The following STK3 variants were observed in gnomAD, a reference collection of about 807,000 sequenced individuals.
STK3 encodes the protein serine/threonine-protein kinase 3.
STK3 carries 41 observed loss-of-function variants against 58.0 expected under a neutral mutation model. The observed-to-expected ratio is 0.71, with a 90% CI of 0.55 to 0.92. The LOEUF is 0.92. STK3 is among the 40% of genes least tolerant of loss of function. STK3 has a pLI of 0.00. For missense variants in STK3, 479 were observed against 602.7 expected (o/e 0.79, Z 2.15); for synonymous variants, 170 against 191.0 (o/e 0.89, Z 0.91).
At chr8:98,567,386 T>C (rs1202185149) in intron 8 of STK3, among the ~76,000 whole-genome samples, 1 of 152,060 alleles carries the variant, frequency 6.6e-6, no homozygotes, top group Non-Finnish European at 1.5e-5. Context: ...TTGGTAGAGA[T>C]GGGGTTTTGC....
At chr8:98,749,792 G>A (rs1377319220) in intron 3 of STK3, among the ~76,000 whole-genome samples, 4 of 151,794 alleles carry the variant, frequency 2.6e-5, no homozygotes, top group Non-Finnish European at 4.4e-5. Context: ...ATTTCCATGA[G>A]GCCAAAAAGT....
the STK3 span, among the ~76,000 whole-genome samples, chr8:98,349,593 G>A: frequency 6.6e-6 from 1 of 152,238 alleles, no homozygotes; most frequent in Non-Finnish European, 1.5e-5. Context: ...CCTAGCAAAG[G>A]TTCTCTATGA....
In STK3 at chr8:98,428,592, T is replaced by C. The variant is rs201740520; in HGVS notation, n.483+5535A>G. 6.2e-7 allele frequency: 1 copy of C among 1,614,160 alleles called. No homozygotes were observed. Among genetic ancestry groups the C allele is most frequent in the Admixed American group, 1.7e-5 (1 of 60,022 alleles). On this transcript the variant is annotated intron_variant and non_coding_transcript_variant, in intron 3 of 3. Transcript: ENST00000517832. This position sits in a 1 kb window ranked among gnomAD's most constrained non-coding sequence, Gnocchi z 6.7. ...GGTGATGGGGTCCATCATCACCATG[T>C]GCCTCAATAGCCTGCCCGATTTCCA...
At chr8:98,718,470 T>C (rs560348184) in intron 4 of STK3, among the ~76,000 whole-genome samples, 6 of 152,154 alleles carry the variant, frequency 3.9e-5, no homozygotes, top group Non-Finnish European at 8.8e-5. Flanking sequence ...ATGGTCTGAC[T>C]TGACAGCGCA....
intron 1 of STK3, among the ~76,000 whole-genome samples, chr8:98,932,088 T>A (rs1165160399): frequency 6.6e-6 from 1 of 152,068 alleles, no homozygotes; most frequent in Non-Finnish European, 1.5e-5. Context: ...CTCCTGATGG[T>A]AACAATAATT....
rs112549072 is a variant in STK3, at chr8:98,567,259, G to A, written c.948+12405C>T. On this transcript the variant is annotated intron_variant, in intron 8 of 10. Coordinates refer to ENST00000419617, the MANE Select transcript of STK3 (RefSeq NM_006281.4). Reference sequence around the variant, plus strand: ...AGACAGGGTCTAGCTCTGCAGTGGCGCAAAGTCGACTCAATGCAACCTTAG... The same window carrying A: ...AGACAGGGTCTAGCTCTGCAGTGGCACAAAGTCGACTCAATGCAACCTTAG... 3.3e-5 allele frequency among the ~76,000 whole-genome samples: 5 copies of A among 152,258 alleles called. 1 individual carries two copies. In the South Asian group the frequency reaches 6.2e-4, roughly 19 times the overall value.
chr8:98,846,740 GAGGGGC>G lies in STK3; in HGVS notation c.110+36901_110+36906del, dbSNP rs1373113814. Among the ~76,000 whole-genome samples the G allele has an allele frequency of 2.0e-5, 3 of 152,032 alleles. No individual in the cohort carries two copies. The East Asian group carries it at 5.8e-4, about 29-fold the overall frequency. On this transcript the variant is annotated intron_variant, in intron 3 of 12. Coordinates refer to the STK3 transcript ENST00000523601. ...ATGTATCCAAGACCAATCAGGTATTGAGGGGCATGTACCATATGTCCACTGGATGTG... is the reference window on the plus strand; with the variant it reads ...ATGTATCCAAGACCAATCAGGTATTGATGTACCATATGTCCACTGGATGTG...
intron 3 of STK3, among the ~76,000 whole-genome samples, chr8:98,870,193 C>T (rs1241277944): frequency 6.6e-6 from 1 of 152,180 alleles, no homozygotes; most frequent in Non-Finnish European, 1.5e-5. Flanking sequence ...TTTATGGCTG[C>T]ATAGTATTCC....
chr8:98,527,911 A>T (rs1432833533), intron 9 of STK3, among the ~76,000 whole-genome samples: 1 of 152,172 alleles, frequency 6.6e-6, no homozygotes. Context: ...ACTAAATTCA[A>T]GATCTTTCCC....
chr8:98,371,671 C>G (rs926179603), exon 3 of STK3: 12 of 152,222 alleles, frequency 7.9e-5, no homozygotes, highest in African/African-American at 2.7e-4. Context: ...TAGGGATAGT[C>G]CCCACACCTG....
At chr8:98,448,095 G>C (rs1213589372) in intron 1 of STK3, among the ~76,000 whole-genome samples, 1 of 151,308 alleles carries the variant, frequency 6.6e-6, no homozygotes, top group Admixed American at 6.6e-5. Context: ...CTACTTACTT[G>C]TTAAAGCAAT....
chr8:98,571,318 G>A (rs1165805758), intron 8 of STK3, among the ~76,000 whole-genome samples: 3 of 152,052 alleles, frequency 2.0e-5, no homozygotes, highest in South Asian at 2.1e-4. Flanking sequence ...GCGAGAGAGT[G>A]AGACTCCATC....
intron 10 of STK3, among the ~76,000 whole-genome samples, chr8:98,511,123 C>A (rs946317476): frequency 6.6e-6 from 1 of 151,820 alleles, no homozygotes; most frequent in Non-Finnish European, 1.5e-5. Flanking sequence ...AATGTGTATA[C>A]CTTATTAATA....
intron 1 of STK3, among the ~76,000 whole-genome samples, chr8:98,811,673 C>T (rs906616418): frequency 4.6e-5 from 7 of 150,736 alleles, no homozygotes; most frequent in Non-Finnish European, 1.0e-4. Flanking sequence ...CATTATTAAA[C>T]GATGTCAAAA....
chr8:98,520,403 G>A (rs1353240075), intron 10 of STK3, among the ~76,000 whole-genome samples: 2 of 152,104 alleles, frequency 1.3e-5, no homozygotes, highest in Non-Finnish European at 2.9e-5. Flanking sequence ...TTAAAAGGAA[G>A]TACACAAATT....
At chr8:98,599,153 A>G (rs1376877094) in intron 6 of STK3, among the ~76,000 whole-genome samples, 3 of 152,252 alleles carry the variant, frequency 2.0e-5, no homozygotes, top group East Asian at 3.8e-4. Flanking sequence ...TATGAGCAAA[A>G]GGTTATCTTC....
chr8:98,620,835 ATTT>A, intron 6 of STK3, among the ~76,000 whole-genome samples: 1 of 151,806 alleles, frequency 6.6e-6, no homozygotes, highest in East Asian at 1.9e-4. Flanking sequence ...TTCTAAATAT[ATTT>A]TTGTTTTTTA....
At chr8:98,624,939 C>G (rs1818602362) in intron 6 of STK3, among the ~76,000 whole-genome samples, 1 of 151,966 alleles carries the variant, frequency 6.6e-6, no homozygotes, top group Non-Finnish European at 1.5e-5. Context: ...CCTGAGGATA[C>G]TGACAAGCTG....
intron 4 of STK3, among the ~76,000 whole-genome samples, chr8:98,739,545 G>C (rs1288361024): frequency 6.8e-6 from 1 of 147,848 alleles, no homozygotes; most frequent in Non-Finnish European, 1.5e-5. Flanking sequence ...CTGTCTGTTA[G>C]AAGGAAAACT....
Sources: gnomAD v4.1 joint callset for allele counts (sites outside exome capture counted in the v4.1 genomes callset) on GRCh38, gnomAD v4.1.1 for gene constraint, Gnocchi (gnomAD v3.1) non-coding constraint, MANE v1.5 for transcripts, NCBI Gene and HGNC (gene_info 2026-07-23, HGNC 2026-07-21) for gene names.